SOCS6: variants seen among roughly 807,000 people sequenced by gnomAD.
SOCS6 encodes STAT induced STAT inhibitor-4.
In SOCS6, 5 loss-of-function variants were observed where a neutral mutation model predicts 27.7. The ratio of observed to expected loss-of-function variants is 0.18; its 90% CI spans 0.09 to 0.38. The LOEUF (loss-of-function observed/expected upper bound fraction) is 0.38. Among genes scored for constraint, SOCS6 ranks in the 10% least tolerant of loss-of-function variants. The pLI is 1.00. For synonymous variants in SOCS6, 271 were observed against 260.0 expected, an observed-to-expected ratio of 1.04 and a Z score of -0.41; for missense variants, 595 against 688.1, an observed-to-expected ratio of 0.86 and a Z score of 1.51.
chr18:70,306,018 G>T (rs372958616), intron 1 of SOCS6, among the ~76,000 whole-genome samples: 2 of 152,142 alleles, frequency 1.3e-5, no homozygotes, highest in East Asian at 1.9e-4. Flanking sequence ...CTGGAGGATC[G>T]CTTGAGCCTA....
chr18:70,308,461 ATCC>A (rs141232884), intron 1 of SOCS6, among the ~76,000 whole-genome samples: 4,251 of 151,980 alleles, frequency 0.028, 220 homozygotes, highest in African/African-American at 0.095. Context: ...GGCTCATGTG[ATCC>A]TCCTGCCTTT....
chr18:70,320,914 A>G (rs956785054), intron 1 of SOCS6, among the ~76,000 whole-genome samples: 1 of 152,176 alleles, frequency 6.6e-6, no homozygotes, highest in African/African-American at 2.4e-5. Context: ...ACTTTCACTG[A>G]TTTTTATTAT....
In SOCS6 at chr18:70,324,525, T is replaced by TTA. The variant is rs1911111527; in HGVS notation, c.-126-18_-126-17insTA. 1.0e-5 allele frequency: 6 copies of TTA among 599,584 alleles called. No homozygotes were observed. The highest frequency in any genetic ancestry group is 1.1e-5 in the Non-Finnish European group (4 of 354,350). 37.1% of individuals were successfully genotyped at this position (599,584 alleles called of 1,614,324 possible). On this transcript the variant is annotated splice_polypyrimidine_tract_variant and intron_variant, in intron 1 of 1. Transcript: ENST00000397942. ...AAATATTTTTTAATATGACTCTTTT[T>TTA]ATATTTTTATTTTTTAGAAAATGGC... is the stretch of plus-strand genomic sequence containing the variant.
chr18:70,325,077 TGGCCTCTGC>T lies in SOCS6; in HGVS notation c.414_422del (p.Leu139_Pro141del). On this transcript the variant is annotated inframe_deletion, in exon 2 of 2. Coordinates refer to ENST00000397942, the MANE Select transcript of SOCS6 (RefSeq NM_004232.4). This position sits in a 1 kb window ranked among gnomAD's most constrained non-coding sequence, Gnocchi z 6.3. Reference sequence around the variant, plus strand: ...CAGCCATCACTACAGTCCCGCGCCGTGGCCTCTGCGGCCCACAAACTCCGAGGAGACCTG... The same window carrying T: ...CAGCCATCACTACAGTCCCGCGCCGTGGCCCACAAACTCCGAGGAGACCTG... 11 of 1,614,126 alleles carry T rather than the reference TGGCCTCTGC, an allele frequency of 6.8e-6. 1 individual carries two copies. The highest frequency in any genetic ancestry group is 1.6e-4 in the Middle Eastern group (1 of 6,062).
rs78177688 is a variant in SOCS6, at chr18:70,328,516, A to C, written c.*2240A>C. The C allele has an allele frequency of 6.0e-6, 1 of 166,956 alleles. No homozygotes were observed. Among genetic ancestry groups the C allele is most frequent in the African/African-American group, 2.4e-5 (1 of 41,448 alleles). 10.3% of individuals were successfully genotyped at this position (166,956 alleles called of 1,614,324 possible). A position where few individuals can be genotyped will look rare whatever the true frequency, so the allele number is the denominator to read the frequency against. On this transcript the variant is annotated 3_prime_UTR_variant, in exon 2 of 2. Coordinates refer to ENST00000397942, the MANE Select transcript of SOCS6 (RefSeq NM_004232.4). ...TTGAGATTTTCATCTAAATGTTTTT[A>C]AAATTGTATTTTGTGTTTTAGTGGA...
Position 70,297,101 on chromosome 18 carries a change from A to G in SOCS6, c.-127+8011A>G, listed in dbSNP as rs373971915. Among the ~76,000 whole-genome samples the G allele has an allele frequency of 1.2e-4, 18 of 151,658 alleles. No homozygotes were observed. In the East Asian group the frequency reaches 2.5e-3, roughly 21 times the overall value. ...TTTGGCTGTGGGAGTTTTGTTTTCTAACTGTTCTCCTCACCCCCTCTTTTT... is the reference window on the plus strand; with the variant it reads ...TTTGGCTGTGGGAGTTTTGTTTTCTGACTGTTCTCCTCACCCCCTCTTTTT... On this transcript the variant is annotated intron_variant, in intron 1 of 1. Transcript: ENST00000397942.
Position 70,292,220 on chromosome 18 carries a change from A to G in SOCS6, c.-127+3130A>G, listed in dbSNP as rs534310294. Among the ~76,000 whole-genome samples the G allele has an allele frequency of 1.6e-4, 25 of 152,312 alleles. No homozygotes were observed. The South Asian group carries it at 5.0e-3, about 30-fold the overall frequency. On this transcript the variant is annotated intron_variant, in intron 1 of 1. Coordinates refer to ENST00000397942, the MANE Select transcript of SOCS6 (RefSeq NM_004232.4). The stretch of plus-strand genomic sequence containing the variant: ...ACACTCTGGACATGTTGGGGCATCC[A>G]TTTACCCGCTCTGTCACGTTGAACA...
In SOCS6 at chr18:70,320,831, GA is replaced by G. The variant is rs562141416; in HGVS notation, c.-126-3710del. On this transcript the variant is annotated intron_variant, in intron 1 of 1. Transcript: ENST00000397942. The stretch of plus-strand genomic sequence containing the variant: ...ACTGTACTGTAACAGATTCAGTGCA[GA>G]AGTAGATATGAGAGTCTAGCTGTCT... Among the ~76,000 whole-genome samples, 25 of 152,334 alleles carry G rather than the reference GA, an allele frequency of 1.6e-4. No homozygotes were observed. The South Asian group carries it at 5.2e-3, about 32-fold the overall frequency.
chr18:70,300,758 A>G lies in SOCS6; in HGVS notation c.-127+11668A>G, dbSNP rs547192703. On this transcript the variant is annotated intron_variant, in intron 1 of 1. Transcript: ENST00000397942. ...CTTTTGTGTCAATAGCCTATAAAGT[A>G]GGAGTGAATCACTTGAAAATTTATT... Among the ~76,000 whole-genome samples the G allele has an allele frequency of 2.0e-5, 3 of 152,348 alleles. No individual in the cohort carries two copies. In the East Asian group the frequency reaches 5.8e-4, roughly 29 times the overall value.
rs765150837 is a variant in SOCS6 at position 70,321,486 on chromosome 18, A to ATTTTTT, written c.-126-3043_-126-3038dup. ...CAGGCACACGCCACCATGCCTGGCT[A>ATTTTTT]TTTTTTTTTTTTTTTTTTTGTATTT... On this transcript the variant is annotated intron_variant, in intron 1 of 1. Coordinates refer to ENST00000397942, the MANE Select transcript of SOCS6 (RefSeq NM_004232.4). 9.4e-3 allele frequency among the ~76,000 whole-genome samples: 1,062 copies of ATTTTTT among 112,584 alleles called. 22 individuals are homozygous for ATTTTTT. The highest frequency in any genetic ancestry group is 0.036 in the African/African-American group (999 of 28,066). The allele number at this position is 112,584 out of a possible 152,430, so 73.9% of individuals were successfully genotyped here. A position where few individuals can be genotyped will look rare whatever the true frequency, so the allele number is the denominator to read the frequency against.
At position 70,326,455 on chromosome 18, in the gene SOCS6, T is replaced by A; in HGVS notation, c.*179T>A. ...TGTCAGCAAGGTGTCTTGGGTTTATTTTGGTTCTTTAAAAAAGGGAAGTCT... is the reference window on the plus strand; with the variant it reads ...TGTCAGCAAGGTGTCTTGGGTTTATATTGGTTCTTTAAAAAAGGGAAGTCT... On this transcript the variant is annotated 3_prime_UTR_variant, in exon 2 of 2. Coordinates refer to ENST00000397942, the MANE Select transcript of SOCS6 (RefSeq NM_004232.4). The A allele has an allele frequency of 3.3e-6, 2 of 603,110 alleles. No individual in the cohort carries two copies. The allele number at this position is 603,110 out of a possible 1,614,324, so 37.4% of individuals were successfully genotyped here.
At chr18:70,322,246 A>G (rs2146295371) in intron 1 of SOCS6, among the ~76,000 whole-genome samples, 2 of 152,316 alleles carry the variant, frequency 1.3e-5, no homozygotes, top group South Asian at 4.1e-4. Context: ...GATGGCATAT[A>G]TTTTTGGATG....
In SOCS6 at chr18:70,289,682, G is replaced by T. The variant is rs41387345; in HGVS notation, c.-127+592G>T. 7.4e-3 allele frequency among the ~76,000 whole-genome samples: 1,115 copies of T among 151,082 alleles called. 10 individuals are homozygous for T. Among genetic ancestry groups the T allele is most frequent in the African/African-American group, 0.025 (1,038 of 41,404 alleles). ...GGCGCTGGGACTCGGGGACGCCCCC[G>T]CCCCACCGCGAGGTCGCGCCGGCGC... On this transcript the variant is annotated intron_variant, in intron 1 of 1. Coordinates refer to ENST00000397942, the MANE Select transcript of SOCS6 (RefSeq NM_004232.4).
intron 1 of SOCS6, among the ~76,000 whole-genome samples, chr18:70,307,314 A>C (rs1489043502): frequency 6.6e-6 from 1 of 152,188 alleles, no homozygotes; most frequent in Admixed American, 6.5e-5. Flanking sequence ...ATTGATTTGT[A>C]GTTTTCTTGT....
chr18:70,294,167 T>C (rs1271790297), intron 1 of SOCS6, among the ~76,000 whole-genome samples: 1 of 151,980 alleles, frequency 6.6e-6, no homozygotes, highest in South Asian at 2.1e-4. Flanking sequence ...TAACAAGTGC[T>C]AATACTTTAA....
rs78496021 is a variant in SOCS6, at chr18:70,312,272, C to G, written c.-126-12271C>G. ...GGCACATAGTAGGCCAATATGTGGT[C>G]TGTATTTACCAATATTAGGTCAATG... is the stretch of plus-strand genomic sequence containing the variant. On this transcript the variant is annotated intron_variant, in intron 1 of 1. Coordinates refer to ENST00000397942, the MANE Select transcript of SOCS6 (RefSeq NM_004232.4). 2.7e-3 allele frequency among the ~76,000 whole-genome samples: 409 copies of G among 152,026 alleles called. 1 individual carries two copies. The highest frequency in any genetic ancestry group is 5.0e-3 in the Non-Finnish European group (341 of 67,992).
At chr18:70,292,859 G>T (rs2062306103) in intron 1 of SOCS6, among the ~76,000 whole-genome samples, 1 of 152,184 alleles carries the variant, frequency 6.6e-6, no homozygotes, top group South Asian at 2.1e-4. Context: ...GGTGGCTCCT[G>T]TGGTTGGTTC....
chr18:70,319,368 GTCTT>G (rs891322597), intron 1 of SOCS6, among the ~76,000 whole-genome samples: 56 of 152,254 alleles, frequency 3.7e-4, no homozygotes, highest in African/African-American at 1.3e-3. Context: ...TTATGTTAAA[GTCTT>G]TCTTTTTGTT....
At chr18:70,293,734 A>T (rs781600770) in intron 1 of SOCS6, among the ~76,000 whole-genome samples, 4 of 152,166 alleles carry the variant, frequency 2.6e-5, no homozygotes, top group Non-Finnish European at 5.9e-5. Context: ...CAAAAAAAAA[A>T]ACTTAAGGTT....
Sources: gnomAD v4.1 joint callset for allele counts (sites outside exome capture counted in the v4.1 genomes callset) on GRCh38, gnomAD v4.1.1 for gene constraint, Gnocchi (gnomAD v3.1) non-coding constraint, MANE v1.5 for transcripts, NCBI Gene and HGNC (gene_info 2026-07-23, HGNC 2026-07-21) for gene names.